Variants in TENT5B observed in about 807,000 individuals in gnomAD.
TENT5B encodes family with sequence similarity 46 member B.
Under a neutral mutation model 21.7 loss-of-function variants are expected in TENT5B, and 12 were observed. The ratio of observed to expected loss-of-function variants is 0.55; its 90% CI spans 0.36 to 0.90. TENT5B has a LOEUF of 0.90. Among genes scored for constraint, TENT5B ranks in the 40% least tolerant of loss-of-function variants. The pLI, the probability that TENT5B is intolerant of heterozygous loss-of-function variation, is 0.01. For missense variants in TENT5B, 540 were observed against 601.5 expected, an observed-to-expected ratio of 0.90 and a Z score of 1.07; for synonymous variants, 262 against 266.6, an observed-to-expected ratio of 0.98 and a Z score of 0.17.
intron 1 of TENT5B, among the ~76,000 whole-genome samples, chr1:27,011,183 T>C (rs2082622162): frequency 6.6e-6 from 1 of 152,080 alleles, no homozygotes; most frequent in Admixed American, 6.5e-5. Flanking sequence ...GGGCCGCGTG[T>C]GAGTCAGCCA....
In TENT5B at chr1:27,012,406, C is replaced by CCTGCACGATCTGCCGGGG; in HGVS notation, c.247_264dup (p.Pro83_Gln88dup). 6.2e-7 allele frequency: 1 copy of CCTGCACGATCTGCCGGGG among 1,612,000 alleles called. No individual in the cohort carries two copies. Among genetic ancestry groups the CCTGCACGATCTGCCGGGG allele is most frequent in the East Asian group, 2.2e-5 (1 of 44,836 alleles). The stretch of plus-strand genomic sequence containing the variant: ...ACATCCCCCGCCTGGCGTCCTCTCA[C>CCTGCACGATCTGCCGGGG]CTGCACGATCTGCCGGGGCTGCACG... On this transcript the variant is annotated inframe_insertion and splice_region_variant. Transcript: ENST00000289166.
chr1:27,008,977 C>CTT lies in TENT5B; in HGVS notation c.265-2022_265-2021dup, dbSNP rs58360969. On this transcript the variant is annotated intron_variant, in intron 1 of 1. Transcript: ENST00000289166. ...CTCTACCTTCCTTTCCTCCATCCTT[C>CTT]TTTTTTTTTTTTTTTTTTTTTTTTT... Among the ~76,000 whole-genome samples, 175 of 31,006 alleles carry CTT rather than the reference C, an allele frequency of 5.6e-3. 33 individuals are homozygous for CTT. The highest frequency in any genetic ancestry group is 0.014 in the African/African-American group (106 of 7,356). The allele number at this position is 31,006 out of a possible 152,430, so 20.3% of individuals were successfully genotyped here.
intron 1 of TENT5B, 92 bp downstream of exon 1, chr1:27,012,315 C>G: frequency 6.5e-7 from 1 of 1,529,822 alleles, no homozygotes; most frequent in Non-Finnish European, 8.8e-7. Context: ...GTTTCCCTAG[C>G]TGTCTAGAAA....
chr1:27,007,093 ACT>A, intron 1 of TENT5B, 136 bp from the exon 2 acceptor site: 1 of 99,306 alleles, frequency 1.0e-5, no homozygotes, highest in Admixed American at 2.0e-4. Context: ...AAATCATTTA[ACT>A]TTTTTTTTTA....
intron 1 of TENT5B, among the ~76,000 whole-genome samples, chr1:27,008,692 C>G (rs1384677553): frequency 6.6e-6 from 1 of 151,942 alleles, no homozygotes; most frequent in Non-Finnish European, 1.5e-5. Context: ...ACCTCCGCCT[C>G]CCAGGTTCAA....
rs779166610 is a variant in TENT5B, at chr1:27,006,755, G to T, written c.467C>A (p.Pro156Gln). The part of the protein sequence containing the change: ...VVLACLLDFL[P>Q]AGVSRAKITP... ...GATCTTGGCCCGGCTCACACCGGCC[G>T]GCAGGAAGTCTAGTAGGCAGGCCAG... Residue 156 changes from proline to glutamine, a missense_variant, in exon 2 of 2, where the codon CCG becomes CAG. Coordinates refer to ENST00000289166, the MANE Select transcript of TENT5B (RefSeq NM_052943.4). This position sits in a 1 kb window ranked among gnomAD's most constrained non-coding sequence, Gnocchi z 9.4. The T allele has an allele frequency of 2.5e-6, 4 of 1,613,992 alleles. No individual in the cohort carries two copies. The highest frequency in any genetic ancestry group is 3.4e-6 in the Non-Finnish European group (4 of 1,180,004).
At chr1:27,008,977 C>CTTTTTTTTTTCTTT (rs2082612808) in intron 1 of TENT5B, among the ~76,000 whole-genome samples, 1 of 30,980 alleles carries the variant, frequency 3.2e-5, no homozygotes, top group African/African-American at 1.4e-4. Context: ...CTCCATCCTT[C>CTTTTTTTTTTCTTT]TTTTTTTTTT....
chr1:27,006,302 G>C lies in TENT5B; in HGVS notation c.920C>G (p.Ser307Cys). ...GTCTGGAAAGTCGATGAAGAAGCGGGAGCACATGTAGCGCTGCAGGGCGCG... is the reference window on the plus strand; with the variant it reads ...GTCTGGAAAGTCGATGAAGAAGCGGCAGCACATGTAGCGCTGCAGGGCGCG... ...DVRALQRYMC[S>C]RFFIDFPDLV... The change falls in exon 2 of 2, where the codon TCC (serine) becomes TGC (cysteine). Residue 307 changes from serine to cysteine, a missense_variant. Physicochemically the swap from Ser to Cys is moderately radical, Grantham distance 112. Transcript: ENST00000289166. The surrounding 1 kb of genome is among the most constrained non-coding windows in gnomAD (Gnocchi z 9.4). 6.2e-7 allele frequency: 1 copy of C among 1,611,758 alleles called. No individual in the cohort carries two copies. Among genetic ancestry groups the C allele is most frequent in the Non-Finnish European group, 8.5e-7 (1 of 1,179,078 alleles).
chr1:27,012,170 G>A (rs1036575097), intron 1 of TENT5B, among the ~76,000 whole-genome samples: 1 of 152,150 alleles, frequency 6.6e-6, no homozygotes, highest in Non-Finnish European at 1.5e-5. Flanking sequence ...CTGGGTGAGT[G>A]ATCCGTGGGG....
In TENT5B at chr1:27,005,860, C is replaced by T; in HGVS notation, c.*84G>A. ...CTGGGCCTCCTGGCACATTCTGCGC[C>T]TCTGGTCATGTCCTCCACACACTCT... is the stretch of plus-strand genomic sequence containing the variant. On this transcript the variant is annotated 3_prime_UTR_variant, in exon 2 of 2. Transcript: ENST00000289166. 7 of 1,492,898 alleles carry T rather than the reference C, an allele frequency of 4.7e-6. No homozygotes were observed. The highest frequency in any genetic ancestry group is 5.4e-6 in the Non-Finnish European group (6 of 1,117,158). The allele number at this position is 1,492,898 out of a possible 1,614,324, so 92.5% of individuals were successfully genotyped here.
Position 27,006,375 on chromosome 1 carries a change from A to G in TENT5B, c.847T>C (p.Cys283Arg), listed in dbSNP as rs2082598889. The change falls in exon 2 of 2, where the codon TGC (cysteine) becomes CGC (arginine). Residue 283 changes from cysteine to arginine, a missense_variant. Physicochemically the swap from Cys to Arg is radical, Grantham distance 180. Transcript: ENST00000289166. The surrounding 1 kb of genome is among the most constrained non-coding windows in gnomAD (Gnocchi z 9.4). ...CGGAAGCCCCGCACCAGGAGGTGGC[A>G]GTACTTGAGGAGGCCACCACCTCGG... is the stretch of plus-strand genomic sequence containing the variant. ...EIRGGGLLKY[C>R]HLLVRGFRPR... 1 of 1,612,160 alleles carries G rather than the reference A, an allele frequency of 6.2e-7. No individual in the cohort carries two copies. Among genetic ancestry groups the G allele is most frequent in the Non-Finnish European group, 8.5e-7 (1 of 1,179,298 alleles).
At chr1:27,009,744 G>T (rs559938034) in intron 1 of TENT5B, among the ~76,000 whole-genome samples, 16 of 152,370 alleles carry the variant, frequency 1.1e-4, no homozygotes, top group Non-Finnish European at 2.1e-4. Flanking sequence ...GCCCACCCCA[G>T]GGCTTGGCAT....
rs2082594312 is a variant in TENT5B, at chr1:27,005,923, C to T, written c.*21G>A. 6.5e-7 allele frequency: 1 copy of T among 1,531,368 alleles called. No individual in the cohort carries two copies. The highest frequency in any genetic ancestry group is 1.4e-5 in the African/African-American group (1 of 72,558). 94.9% of individuals were successfully genotyped at this position (1,531,368 alleles called of 1,614,324 possible). On this transcript the variant is annotated 3_prime_UTR_variant, in exon 2 of 2. Coordinates refer to ENST00000289166, the MANE Select transcript of TENT5B (RefSeq NM_052943.4). ...CCCACCCCGTGAGGCCCAGTCCCTT[C>T]CCTTCTGGCCAGGGTCTGAGTCAGT...
In TENT5B at chr1:27,006,414, T is replaced by G; in HGVS notation, c.808A>C (p.Ser270Arg). The change falls in exon 2 of 2, where the codon AGT becomes CGT. Residue 270 changes from serine to arginine, a missense_variant. Ser to Arg is a moderately radical substitution (Grantham distance 110). Transcript: ENST00000289166. The surrounding 1 kb of genome is among the most constrained non-coding windows in gnomAD (Gnocchi z 9.4). ...CCACCACCTCGGATCTCCTCGGGAC[T>G]GCGCGTGGCGATGACACGGTGCCGC... ...HLRHRVIATR[S>R]PEEIRGGGLL... 6.2e-7 allele frequency: 1 copy of G among 1,613,406 alleles called. No homozygotes were observed. The highest frequency in any genetic ancestry group is 8.5e-7 in the Non-Finnish European group (1 of 1,179,828).
Position 27,012,773 on chromosome 1 carries a change from C to G in TENT5B, c.-103G>C. ...GGGGCCAAGGCGGGGGGCACGAAGG[C>G]AGGGACGGGGCGGCAACGACGGCGA... On this transcript the variant is annotated 5_prime_UTR_variant, in exon 1 of 2. Coordinates refer to ENST00000289166, the MANE Select transcript of TENT5B (RefSeq NM_052943.4). The G allele has an allele frequency of 7.6e-7, 1 of 1,322,842 alleles. No homozygotes were observed. Among genetic ancestry groups the G allele is most frequent in the Non-Finnish European group, 9.7e-7 (1 of 1,026,042 alleles). The allele number at this position is 1,322,842 out of a possible 1,614,324, so 81.9% of individuals were successfully genotyped here.
At position 27,006,523 on chromosome 1, in the gene TENT5B, C is replaced by T. The variant is rs373723292; in HGVS notation, c.699G>A (p.Ser233=). ...LDSLLLFGQC[S]STPMSEAFHP... is the part of the protein sequence containing the mutation. ...GGAAGGCCTCAGACATGGGAGTGGA[C>T]GAGCACTGGCCAAAGAGCAACAGGG... The change falls in exon 2 of 2, where the codon TCG becomes TCA. Residue 233 remains serine, a synonymous_variant. Transcript: ENST00000289166. This position sits in a 1 kb window ranked among gnomAD's most constrained non-coding sequence, Gnocchi z 9.4. The T allele has an allele frequency of 5.3e-5, 86 of 1,613,988 alleles. No homozygotes were observed. The highest frequency in any genetic ancestry group is 5.8e-5 in the Non-Finnish European group (69 of 1,180,024).
Position 27,012,515 on chromosome 1 carries a change from C to G in TENT5B, c.156G>C (p.Leu52=), listed in dbSNP as rs1269542713. The change falls in exon 1 of 2, where the codon CTG becomes CTC. Residue 52 remains leucine (L), a synonymous_variant. Transcript: ENST00000289166. ...CCAGTCGCTTCACCTGTGGCCAGCT[C>G]AGCCCACTCAGGTGCCGTCCGGGGA... ...SAFPGRHLSG[L]SWPQVKRLDA... is the part of the protein sequence containing the mutation. The G allele has an allele frequency of 6.2e-7, 1 of 1,606,916 alleles. No homozygotes were observed. Among genetic ancestry groups the G allele is most frequent in the East Asian group, 2.2e-5 (1 of 44,792 alleles).
chr1:27,011,084 T>C (rs909609076), intron 1 of TENT5B, among the ~76,000 whole-genome samples: 1 of 152,182 alleles, frequency 6.6e-6, no homozygotes, highest in African/African-American at 2.4e-5. Context: ...CAGGAATGAC[T>C]TGACTGTCCC....
Position 27,006,901 on chromosome 1 carries a change from A to ATG in TENT5B, c.319_320dup (p.Gly108MetfsTer36). ...GCAGCACGTGGCTGGCAGCTGAACCATGCAGCCGCACACTGTGCACATGTA... is the reference window on the plus strand; with the variant it reads ...GCAGCACGTGGCTGGCAGCTGAACCATGTGCAGCCGCACACTGTGCACATGTA... On this transcript the variant is annotated frameshift_variant, in exon 2 of 2. Coordinates refer to ENST00000289166, the MANE Select transcript of TENT5B (RefSeq NM_052943.4). LOFTEE classifies it high-confidence loss of function. The surrounding 1 kb of genome is among the most constrained non-coding windows in gnomAD (Gnocchi z 9.4). 1 of 1,613,154 alleles carries ATG rather than the reference A, an allele frequency of 6.2e-7. No individual in the cohort carries two copies. The highest frequency in any genetic ancestry group is 8.5e-7 in the Non-Finnish European group (1 of 1,179,638).
Sources: allele counts gnomAD v4.1 joint callset (sites outside exome capture counted in the v4.1 genomes callset), GRCh38; gene constraint gnomAD v4.1.1; non-coding constraint Gnocchi (gnomAD v3.1); transcripts MANE v1.5; gene names NCBI Gene and HGNC (gene_info 2026-07-23, HGNC 2026-07-21).